Variants in MGAT4C observed in about 807,000 individuals in gnomAD.
MGAT4C encodes the protein MGAT4 family member C.
A neutral mutation model predicts 40.1 loss-of-function variants in MGAT4C; 19 were observed. The observed-to-expected ratio is 0.47, with a 90% CI of 0.33 to 0.70. The LOEUF is 0.70. Ranked by LOEUF, MGAT4C falls within the 30% of genes least tolerant of loss-of-function variation. MGAT4C has a pLI of 0.02. For synonymous variants in MGAT4C, 181 were observed against 187.1 expected, an observed-to-expected ratio of 0.97 and a Z score of 0.27; for missense variants, 491 against 563.2, an observed-to-expected ratio of 0.87 and a Z score of 1.30.
intron 2 of MGAT4C, among the ~76,000 whole-genome samples, chr12:86,648,798 A>C (rs1963617655): frequency 6.6e-6 from 1 of 151,844 alleles, no homozygotes; most frequent in African/African-American, 2.4e-5. Context: ...GTACAAGGTA[A>C]ATTGTTTATA....
chr12:86,415,598 AT>A (rs1956693907), intron 3 of MGAT4C, among the ~76,000 whole-genome samples: 1 of 152,010 alleles, frequency 6.6e-6, no homozygotes, highest in Non-Finnish European at 1.5e-5. Context: ...AAATAATTAA[AT>A]ATTTTTAAAG....
rs557475647 is a variant in MGAT4C at position 86,620,124 on chromosome 12, A to G, written c.-229+107085T>C. The stretch of plus-strand genomic sequence containing the variant: ...TACACTGTTAGTGAGAATGTAAATT[A>G]CTACAACCTCTATGGAAAACAGTAT... On this transcript the variant is annotated intron_variant, in intron 2 of 7. Transcript: ENST00000548651. Among the ~76,000 whole-genome samples the G allele has an allele frequency of 5.9e-5, 9 of 152,306 alleles. No homozygotes were observed. The South Asian group carries it at 1.9e-3, about 32-fold the overall frequency.
At chr12:86,491,596 C>T (rs1474871269) in intron 2 of MGAT4C, among the ~76,000 whole-genome samples, 28 of 152,030 alleles carry the variant, frequency 1.8e-4, no homozygotes, top group African/African-American at 2.7e-4. Flanking sequence ...AATTCAACAA[C>T]GCTTCATGCT....
intron 3 of MGAT4C, among the ~76,000 whole-genome samples, chr12:86,433,378 A>G (rs900566575): frequency 6.6e-6 from 1 of 151,308 alleles, no homozygotes; most frequent in Non-Finnish European, 1.5e-5. Context: ...ACACAGAAGG[A>G]TTTTCTTTCT....
At chr12:86,828,630 G>A (rs1032029622) in intron 1 of MGAT4C, among the ~76,000 whole-genome samples, 2 of 151,386 alleles carry the variant, frequency 1.3e-5, no homozygotes. Context: ...CAAACCATAT[G>A]TACATGAACT....
At chr12:86,523,111 T>G (rs1457330789) in intron 2 of MGAT4C, among the ~76,000 whole-genome samples, 1 of 152,046 alleles carries the variant, frequency 6.6e-6, no homozygotes, top group African/African-American at 2.4e-5. Flanking sequence ...TCAGCTCTGA[T>G]TTCCGGTATT....
chr12:86,589,281 G>A (rs1320981886), intron 2 of MGAT4C, among the ~76,000 whole-genome samples: 4 of 151,472 alleles, frequency 2.6e-5, no homozygotes, highest in South Asian at 2.1e-4. Flanking sequence ...ACACCTCTAC[G>A]CAAATAAACT....
At chr12:86,540,196 C>A (rs1959149202) in intron 2 of MGAT4C, among the ~76,000 whole-genome samples, 1 of 152,160 alleles carries the variant, frequency 6.6e-6, no homozygotes. Context: ...TTAAGTGTGA[C>A]TACTGAAGCT....
intron 1 of MGAT4C, among the ~76,000 whole-genome samples, chr12:86,139,901 T>C (rs1448732408): frequency 1.3e-5 from 2 of 152,200 alleles, no homozygotes; most frequent in East Asian, 1.9e-4. Context: ...GCAGTTACTA[T>C]GACCTTTTAC....
At chr12:86,411,821 G>C (rs947142218) in intron 3 of MGAT4C, among the ~76,000 whole-genome samples, 1 of 152,138 alleles carries the variant, frequency 6.6e-6, no homozygotes, top group Non-Finnish European at 1.5e-5. Flanking sequence ...TCATAGGCCC[G>C]GAGGACTAGG....
chr12:86,706,336 T>A (rs1409453414), intron 2 of MGAT4C, among the ~76,000 whole-genome samples: 1 of 152,188 alleles, frequency 6.6e-6, no homozygotes, highest in East Asian at 1.9e-4. Flanking sequence ...GAGAATTGGA[T>A]TTTTTAGGGC....
intron 1 of MGAT4C, among the ~76,000 whole-genome samples, chr12:86,124,450 CT>C (rs1299881021): frequency 6.6e-6 from 1 of 151,976 alleles, no homozygotes; most frequent in Non-Finnish European, 1.5e-5. Flanking sequence ...TTTAAGGAAC[CT>C]TTGATAAAAG....
chr12:86,302,491 C>A (rs1953839102), intron 4 of MGAT4C, among the ~76,000 whole-genome samples: 1 of 150,464 alleles, frequency 6.6e-6, no homozygotes, highest in African/African-American at 2.5e-5. Context: ...TGCAGTGGTG[C>A]AATGTGGGCG....
chr12:86,116,424 A>T (rs1439985017), intron 1 of MGAT4C, among the ~76,000 whole-genome samples: 1 of 151,456 alleles, frequency 6.6e-6, no homozygotes, highest in Non-Finnish European at 1.5e-5. Flanking sequence ...CAGATTAGAG[A>T]TTTTTTTTTA....
intron 4 of MGAT4C, among the ~76,000 whole-genome samples, chr12:86,290,836 C>T (rs1953492093): frequency 6.6e-6 from 1 of 151,988 alleles, no homozygotes; most frequent in Admixed American, 6.6e-5. Flanking sequence ...TTGAAAAATA[C>T]ATTCTTGCGG....
At chr12:86,812,948 C>T (rs889616631) in intron 1 of MGAT4C, among the ~76,000 whole-genome samples, 3 of 152,076 alleles carry the variant, frequency 2.0e-5, no homozygotes, top group African/African-American at 7.2e-5. Flanking sequence ...GTATTCATTT[C>T]AACATGGTGA....
intron 2 of MGAT4C, among the ~76,000 whole-genome samples, chr12:86,680,980 T>C (rs2136579511): frequency 6.6e-6 from 1 of 151,992 alleles, no homozygotes; most frequent in East Asian, 1.9e-4. Context: ...CATGGGACTA[T>C]TGTGCATTCT....
At chr12:86,672,938 GAAAA>G (rs1419384703) in intron 2 of MGAT4C, among the ~76,000 whole-genome samples, 1 of 151,714 alleles carries the variant, frequency 6.6e-6, no homozygotes, top group African/African-American at 2.4e-5. Flanking sequence ...TAAAAAGAAA[GAAAA>G]ATAAAGCAAT....
intron 1 of MGAT4C, among the ~76,000 whole-genome samples, chr12:86,829,442 G>C (rs916625293): frequency 3.3e-5 from 5 of 151,422 alleles, no homozygotes; most frequent in Admixed American, 1.3e-4. Flanking sequence ...ACTATTTCAA[G>C]TAAATCTAAA....
Sources: gnomAD v4.1 joint callset for allele counts (sites outside exome capture counted in the v4.1 genomes callset) on GRCh38, gnomAD v4.1.1 for gene constraint, MANE v1.5 for transcripts, NCBI Gene and HGNC (gene_info 2026-07-23, HGNC 2026-07-21) for gene names.